Variants in GALNT9 observed in about 807,000 individuals in gnomAD.
GALNT9 encodes the protein polypeptide N-acetylgalactosaminyltransferase 9, also known as GalNAc transferase 9.
In GALNT9, 47 loss-of-function variants were observed where a neutral mutation model predicts 63.1. The observed-to-expected ratio is 0.75, with a 90% CI of 0.59 to 0.95. GALNT9 has a LOEUF of 0.95. Among genes scored for constraint, GALNT9 ranks in the 40% least tolerant of loss-of-function variants. The pLI is 0.00. For missense variants in GALNT9, 829 were observed against 874.8 expected (o/e 0.95, Z 0.66); for synonymous variants, 396 against 365.7 (o/e 1.08, Z -0.94).
chr12:132,212,032 G>A (rs7964828), intron 6 of GALNT9, among the ~76,000 whole-genome samples: 4,357 of 152,338 alleles, frequency 0.029, 75 homozygotes, highest in Middle Eastern at 0.054. Flanking sequence ...GGCAGCGGAC[G>A]TGCACGCAGG....
At position 132,238,766 on chromosome 12, in the gene GALNT9, T is replaced by C. The variant is rs2136896244; in HGVS notation, c.1077+9144A>G. On this transcript the variant is annotated intron_variant, in intron 6 of 10. Transcript: ENST00000328957. This position sits in a 1 kb window ranked among gnomAD's most constrained non-coding sequence, Gnocchi z 6.5. The stretch of plus-strand genomic sequence containing the variant: ...AGCCTGATTCCTCCGCCCCCTCATC[T>C]GCAGGCCACCCGCCCAGGGACGTGC... Among the ~76,000 whole-genome samples the C allele has an allele frequency of 6.6e-6, 1 of 152,212 alleles. No homozygotes were observed. Among genetic ancestry groups the C allele is most frequent in the Non-Finnish European group, 1.5e-5 (1 of 68,030 alleles).
intron 6 of GALNT9, among the ~76,000 whole-genome samples, chr12:132,228,192 C>T (rs1175582628): frequency 6.6e-6 from 1 of 152,146 alleles, no homozygotes; most frequent in Non-Finnish European, 1.5e-5. Flanking sequence ...TCCAGCCTCT[C>T]CCTCTGCCCT....
At chr12:132,227,059 AG>A (rs1236724835) in intron 6 of GALNT9, among the ~76,000 whole-genome samples, 1 of 151,938 alleles carries the variant, frequency 6.6e-6, no homozygotes, top group African/African-American at 2.4e-5. Context: ...CACAACCCAT[AG>A]CTTTTTCTTT....
At position 132,255,062 on chromosome 12, in the gene GALNT9, A is replaced by T. The variant is rs150391369; in HGVS notation, c.959+2627T>A. Among the ~76,000 whole-genome samples the T allele has an allele frequency of 2.9e-4, 44 of 152,386 alleles. No homozygotes were observed. In the East Asian group the frequency reaches 8.3e-3, roughly 29 times the overall value. On this transcript the variant is annotated intron_variant, in intron 5 of 10. Transcript: ENST00000328957. Reference sequence around the variant, plus strand: ...TGATTAAGTATTGGTTCTGTCAACCAAGAATAAAATTCTAAGACCCCCAAC... The same window carrying T: ...TGATTAAGTATTGGTTCTGTCAACCTAGAATAAAATTCTAAGACCCCCAAC...
At chr12:132,226,345 C>T (rs1877686485) in intron 6 of GALNT9, among the ~76,000 whole-genome samples, 1 of 150,124 alleles carries the variant, frequency 6.7e-6, no homozygotes, top group Non-Finnish European at 1.5e-5. Flanking sequence ...ACATACATCC[C>T]TTATACCCCA....
At chr12:132,229,796 G>A (rs1877826195) in intron 6 of GALNT9, among the ~76,000 whole-genome samples, 1 of 152,210 alleles carries the variant, frequency 6.6e-6, no homozygotes, top group East Asian at 1.9e-4. Context: ...CACCACAGGT[G>A]TTCACTGATT....
rs145260524 is a variant in GALNT9, at chr12:132,293,996, G to T, written c.239-7566C>A. On this transcript the variant is annotated intron_variant, in intron 1 of 10. Transcript: ENST00000328957. ...AGATCTTGCCCCTCCGAGCCTATCT[G>T]TGAATGGCCGTGGAAGACCACGAGC... 4.6e-5 allele frequency among the ~76,000 whole-genome samples: 7 copies of T among 152,398 alleles called. No homozygotes were observed. In the East Asian group the frequency reaches 1.2e-3, roughly 25 times the overall value.
chr12:132,317,695 T>C (rs567948182), intron 1 of GALNT9, among the ~76,000 whole-genome samples: 1 of 152,318 alleles, frequency 6.6e-6, no homozygotes, highest in African/African-American at 2.4e-5. Context: ...CCTCGCTCAG[T>C]AGAGGCTGCG....
chr12:132,282,340 G>A lies in GALNT9; in HGVS notation c.419+3910C>T, dbSNP rs782617639. 1.1e-4 allele frequency among the ~76,000 whole-genome samples: 17 copies of A among 152,376 alleles called. No individual in the cohort carries two copies. The highest frequency in any genetic ancestry group is 2.4e-4 in the Non-Finnish European group (16 of 68,032). On this transcript the variant is annotated intron_variant, in intron 2 of 10. Transcript: ENST00000328957. The surrounding 1 kb of genome is among the most constrained non-coding windows in gnomAD (Gnocchi z 4.5). ...GGGGGAATCCAATGGGACCCCTGCA[G>A]CTCTAAGAACAGAAAACCCAATTCA...
At position 132,203,613 on chromosome 12, in the gene GALNT9, G is replaced by A; in HGVS notation, c.1155C>T (p.Tyr385=). The A allele has an allele frequency of 6.2e-7, 1 of 1,613,932 alleles. No homozygotes were observed. Among genetic ancestry groups the A allele is most frequent in the South Asian group, 1.1e-5 (1 of 91,088 alleles). ...TGGCATAGTAGTCAATGTCGTTGTT[G>A]TAGGGCTTCCTGGTGCGCTCGATGT... ...VAHIERTRKP[Y]NNDIDYYAKR... Residue 385 remains tyrosine, a synonymous_variant, in exon 7 of 11, where the codon TAC becomes TAT. Coordinates refer to ENST00000328957, the MANE Select transcript of GALNT9 (RefSeq NM_001122636.2).
chr12:132,202,330 C>T (rs1593463481), intron 7 of GALNT9, among the ~76,000 whole-genome samples: 1 of 152,178 alleles, frequency 6.6e-6, no homozygotes, highest in South Asian at 2.1e-4. Context: ...TGTAGGAGCA[C>T]CGGGTACCCT....
rs1164240420 is a variant in GALNT9, at chr12:132,257,687, A to T, written c.959+2T>A. 2 of 1,547,184 alleles carry T rather than the reference A, an allele frequency of 1.3e-6. No homozygotes were observed. The highest frequency in any genetic ancestry group is 1.7e-6 in the Non-Finnish European group (2 of 1,145,388). Reference sequence around the variant, plus strand: ...CCCTCGACCCCTGAGGGCGCAGCTCACCTGATGGGTGCTGACTCGTCGCCG... The same window carrying T: ...CCCTCGACCCCTGAGGGCGCAGCTCTCCTGATGGGTGCTGACTCGTCGCCG... On this transcript the variant is annotated splice_donor_variant, in intron 5 of 10. Coordinates refer to ENST00000328957, the MANE Select transcript of GALNT9 (RefSeq NM_001122636.2). LOFTEE classifies it high-confidence loss of function.
At chr12:132,275,923 G>T (rs191036143) in intron 2 of GALNT9, 1 of 152,632 alleles carries the variant, frequency 6.6e-6, no homozygotes, top group Non-Finnish European at 1.5e-5. Flanking sequence ...CAGGCCACCC[G>T]CACAGTGGGA....
intron 1 of GALNT9, among the ~76,000 whole-genome samples, chr12:132,303,311 C>T (rs368443163): frequency 1.3e-5 from 2 of 152,028 alleles, no homozygotes; most frequent in East Asian, 1.9e-4. Flanking sequence ...TCATTTAACA[C>T]GAGAGGCAGC....
At chr12:132,305,302 G>A (rs1327222025) in intron 1 of GALNT9, among the ~76,000 whole-genome samples, 5 of 13,488 alleles carry the variant, frequency 3.7e-4, no homozygotes, top group Non-Finnish European at 4.8e-4. Context: ...CGCCCTCACC[G>A]GGGCACACCC....
chr12:132,304,446 CCCTCGCCCGGGCACAG>C lies in GALNT9; in HGVS notation c.239-18032_239-18017del, dbSNP rs1246910922. The stretch of plus-strand genomic sequence containing the variant: ...CCGGGCACAGCCTCGCCCGGGCACA[CCCTCGCCCGGGCACAG>C]CCTCGCCCGGGCACACGCTCACCCA... On this transcript the variant is annotated intron_variant, in intron 1 of 10. Coordinates refer to ENST00000328957, the MANE Select transcript of GALNT9 (RefSeq NM_001122636.2). 1.1e-4 allele frequency among the ~76,000 whole-genome samples: 3 copies of C among 26,354 alleles called. 1 individual carries two copies. Among genetic ancestry groups the C allele is most frequent in the Non-Finnish European group, 2.2e-4 (3 of 13,654 alleles). 17.3% of individuals were successfully genotyped at this position (26,354 alleles called of 152,430 possible).
intron 2 of GALNT9, among the ~76,000 whole-genome samples, chr12:132,281,751 A>G (rs1880352325): frequency 6.6e-6 from 1 of 152,112 alleles, no homozygotes. Context: ...TGAACCCTCA[A>G]AAGGAGAGCA....
intron 6 of GALNT9, among the ~76,000 whole-genome samples, chr12:132,208,915 C>T (rs1027755529): frequency 2.0e-5 from 3 of 152,236 alleles, no homozygotes; most frequent in Non-Finnish European, 2.9e-5. Context: ...ACTAGCCATG[C>T]ATCCCCACTG....
At chr12:132,199,306 C>T (rs749137827) in intron 8 of GALNT9, 37 bp from the exon 9 acceptor site, 10 of 1,480,114 alleles carry the variant, frequency 6.8e-6, no homozygotes, top group Middle Eastern at 1.7e-4. Flanking sequence ...TCCAGAGTCA[C>T]CCGAGGGTGC....
Sources: gnomAD v4.1 joint callset for allele counts (sites outside exome capture counted in the v4.1 genomes callset) on GRCh38, gnomAD v4.1.1 for gene constraint, Gnocchi (gnomAD v3.1) non-coding constraint, MANE v1.5 for transcripts, NCBI Gene and HGNC (gene_info 2026-07-23, HGNC 2026-07-21) for gene names.